The following DNAH11 variants were observed in gnomAD, a reference collection of about 807,000 sequenced individuals.
DNAH11 encodes dynein axonemal heavy chain 11, also known as axonemal beta dynein heavy chain 11.
DNAH11 carries 442 observed loss-of-function variants against 526.0 expected under a neutral mutation model. The ratio of observed to expected loss-of-function variants is 0.84; its 90% CI spans 0.78 to 0.91. DNAH11 has a LOEUF of 0.91. Among genes scored for constraint, DNAH11 ranks in the 40% least tolerant of loss-of-function variants. The pLI is 0.00. For missense variants in DNAH11, 6,989 were observed against 5,448.7 expected, an observed-to-expected ratio of 1.28 and a Z score of -8.90; for synonymous variants, 2,461 against 1,935.9, an observed-to-expected ratio of 1.27 and a Z score of -7.12.
At chr7:21,866,832 TA>T (rs2128034218) in intron 71 of DNAH11, among the ~76,000 whole-genome samples, 169 bp downstream of exon 71, 1 of 152,286 alleles carries the variant, frequency 6.6e-6, no homozygotes, top group Admixed American at 6.5e-5. Flanking sequence ...TGCTAAACAC[TA>T]AACCATGTGC....
intron 18 of DNAH11, 62 bp downstream of exon 18, chr7:21,601,680 C>A (rs1785097975): frequency 8.0e-7 from 1 of 1,246,136 alleles, no homozygotes; most frequent in Non-Finnish European, 1.1e-6. Flanking sequence ...TATTAAAGTA[C>A]TTTACATGTA....
At chr7:21,613,719 G>A (rs930863871) in intron 20 of DNAH11, among the ~76,000 whole-genome samples, 2 of 152,168 alleles carry the variant, frequency 1.3e-5, no homozygotes, top group Non-Finnish European at 2.9e-5. Flanking sequence ...AAGTATGTGA[G>A]ATAATGCATA....
At chr7:21,828,208 C>T (rs1246488596) in intron 65 of DNAH11, among the ~76,000 whole-genome samples, 1 of 152,154 alleles carries the variant, frequency 6.6e-6, no homozygotes, top group Non-Finnish European at 1.5e-5. Flanking sequence ...CTCGGTCTCC[C>T]AAAGTGCTGG....
intron 15 of DNAH11, among the ~76,000 whole-genome samples, 169 bp from the exon 16 acceptor site, chr7:21,600,507 T>G (rs1046116779): frequency 1.3e-5 from 2 of 151,732 alleles, no homozygotes; most frequent in Admixed American, 1.3e-4. Flanking sequence ...CCAGAACAAA[T>G]TAGGAAAATG....
intron 68 of DNAH11, among the ~76,000 whole-genome samples, chr7:21,856,929 G>A (rs1435931196): frequency 6.6e-6 from 1 of 152,156 alleles, no homozygotes; most frequent in Non-Finnish European, 1.5e-5. Flanking sequence ...ACAAGACAAG[G>A]ATATCTTTCT....
chr7:21,784,282 T>C, intron 57 of DNAH11, 145 bp from the exon 58 acceptor site: 1 of 642,210 alleles, frequency 1.6e-6, no homozygotes, highest in Non-Finnish European at 2.8e-6. Context: ...TAAAGGAAAA[T>C]TAGTCTGTTT....
intron 32 of DNAH11, among the ~76,000 whole-genome samples, chr7:21,684,507 T>TA (rs1330385510): frequency 6.6e-6 from 1 of 152,066 alleles, no homozygotes; most frequent in African/African-American, 2.4e-5. Flanking sequence ...ATGACAACAA[T>TA]AAAAAAAGAT....
chr7:21,664,951 G>GC (rs1216434573), intron 30 of DNAH11, among the ~76,000 whole-genome samples: 1 of 152,054 alleles, frequency 6.6e-6, no homozygotes, highest in African/African-American at 2.4e-5. Flanking sequence ...TTAAACCTCA[G>GC]CTCCAGATGT....
intron 28 of DNAH11, among the ~76,000 whole-genome samples, chr7:21,641,785 C>G (rs542288144): frequency 1.1e-4 from 17 of 152,328 alleles, no homozygotes; most frequent in Middle Eastern, 3.4e-3. Context: ...CTGTGAATGT[C>G]TCCTCACCTA....
intron 25 of DNAH11, among the ~76,000 whole-genome samples, chr7:21,621,035 G>A (rs1452814316): frequency 1.3e-5 from 2 of 152,062 alleles, no homozygotes; most frequent in African/African-American, 2.4e-5. Flanking sequence ...ACGTGTGCAT[G>A]TGTCTTTATA....
At chr7:21,725,332 G>T (rs576931546) in intron 44 of DNAH11, among the ~76,000 whole-genome samples, 5 of 152,252 alleles carry the variant, frequency 3.3e-5, no homozygotes, top group Admixed American at 2.0e-4. Flanking sequence ...GTATAGAGTT[G>T]CCAGTTGTTT....
At chr7:21,674,642 T>G (rs75981907) in intron 30 of DNAH11, among the ~76,000 whole-genome samples, 1,651 of 152,176 alleles carry the variant, frequency 0.011, 26 homozygotes, top group African/African-American at 0.038. Flanking sequence ...TTCCTTCCCT[T>G]TTCTTTTCCT....
chr7:21,660,984 G>C (rs1782219851), intron 30 of DNAH11, among the ~76,000 whole-genome samples: 1 of 151,562 alleles, frequency 6.6e-6, no homozygotes, highest in African/African-American at 2.4e-5. Context: ...CTTTGTTTCG[G>C]TTTACTCTGG....
At chr7:21,696,333 T>C (rs946473377) in intron 35 of DNAH11, among the ~76,000 whole-genome samples, 4 of 152,322 alleles carry the variant, frequency 2.6e-5, no homozygotes, top group Middle Eastern at 3.4e-3. Flanking sequence ...TTATTTTAGT[T>C]GGTAATATGA....
intron 40 of DNAH11, among the ~76,000 whole-genome samples, chr7:21,709,686 C>G (rs1784390571): frequency 6.6e-6 from 1 of 152,168 alleles, no homozygotes; most frequent in African/African-American, 2.4e-5. Context: ...TTTACTGTCT[C>G]AGCCTAGCTT....
At position 21,749,127 on chromosome 7, in the gene DNAH11, C is replaced by T. The variant is rs138082386; in HGVS notation, c.8673+385C>T. ...CACAAGTAAAAATAGATTTCTTCCA[C>T]ATTGGATAAGAACAGGAGAAGAAGA... On this transcript the variant is annotated intron_variant, in intron 52 of 81. Transcript: ENST00000409508. Among the ~76,000 whole-genome samples, 1,090 of 152,210 alleles carry T rather than the reference C, an allele frequency of 7.2e-3. 12 individuals are homozygous for T. Among genetic ancestry groups the T allele is most frequent in the African/African-American group, 0.025 (1,034 of 41,516 alleles).
intron 74 of DNAH11, 67 bp downstream of exon 74, chr7:21,873,568 G>C (rs1245519462): frequency 6.7e-7 from 1 of 1,485,342 alleles, no homozygotes; most frequent in African/African-American, 1.4e-5. Context: ...GTGGGGCCCA[G>C]AATCAACCCA....
chr7:21,833,197 C>T (rs1162548268), intron 65 of DNAH11, among the ~76,000 whole-genome samples: 2 of 152,122 alleles, frequency 1.3e-5, no homozygotes, highest in African/African-American at 4.8e-5. Context: ...TGTATAAATT[C>T]TCTTTTCATC....
chr7:21,633,653 A>G (rs943132320), intron 25 of DNAH11, among the ~76,000 whole-genome samples: 10 of 152,184 alleles, frequency 6.6e-5, no homozygotes, highest in Non-Finnish European at 7.3e-5. Context: ...AGTTATGAAC[A>G]CTTGTTCTCT....
Sources: gnomAD v4.1 joint callset for allele counts (sites outside exome capture counted in the v4.1 genomes callset) on GRCh38, gnomAD v4.1.1 for gene constraint, MANE v1.5 for transcripts, NCBI Gene and HGNC (gene_info 2026-07-23, HGNC 2026-07-21) for gene names.